Variants in COL10A1 observed in about 807,000 individuals in gnomAD.
The protein encoded by COL10A1 is collagen alpha-1(X) chain.
A neutral mutation model predicts 18.2 loss-of-function variants in COL10A1; 10 were observed. The ratio of observed to expected loss-of-function variants is 0.55; its 90% CI spans 0.34 to 0.93. The LOEUF (loss-of-function observed/expected upper bound fraction) is 0.93. Among genes scored for constraint, COL10A1 ranks in the 40% least tolerant of loss-of-function variants. The pLI, the probability that COL10A1 is intolerant of heterozygous loss-of-function variation, is 0.02. For missense variants in COL10A1, 897 were observed against 853.5 expected, an observed-to-expected ratio of 1.05 and a Z score of -0.64; for synonymous variants, 330 against 316.6, an observed-to-expected ratio of 1.04 and a Z score of -0.45.
the COL10A1 span, among the ~76,000 whole-genome samples, chr6:116,178,700 AAT>A: frequency 6.6e-6 from 1 of 152,202 alleles, no homozygotes; most frequent in South Asian, 2.1e-4. Flanking sequence ...TACTTCCAGA[AAT>A]ATAGAGCAGT....
chr6:116,159,660 G>T (rs1346189704), upstream of COL10A1, among the ~76,000 whole-genome samples: 1 of 152,274 alleles, frequency 6.6e-6, no homozygotes, highest in East Asian at 1.9e-4. Context: ...AGGGATATAT[G>T]TGCAGGTTTG....
At chr6:116,148,202 A>G (rs1433731991) in intron 1 of COL10A1, among the ~76,000 whole-genome samples, 2 of 152,160 alleles carry the variant, frequency 1.3e-5, no homozygotes, top group Admixed American at 1.3e-4. Flanking sequence ...TTGAGAGGCA[A>G]ATTGAGTAAG....
chr6:116,120,020 A>G lies in COL10A1; in HGVS notation c.*53T>C, dbSNP rs1779060108. The G allele has an allele frequency of 1.4e-6, 2 of 1,426,814 alleles. No homozygotes were observed. The highest frequency in any genetic ancestry group is 3.4e-5 in the Admixed American group (2 of 59,694). 88.4% of individuals were successfully genotyped at this position (1,426,814 alleles called of 1,614,324 possible). On this transcript the variant is annotated 3_prime_UTR_variant, in exon 3 of 3. Coordinates refer to ENST00000651968, the MANE Select transcript of COL10A1 (RefSeq NM_000493.4). ...CCATATGCATTTTGTAGGGTGGGGT[A>G]GAGTTAGAGAATGCTTTTTCTAGCA...
At chr6:116,204,364 C>G in the COL10A1 span, among the ~76,000 whole-genome samples, 12 of 151,814 alleles carry the variant, frequency 7.9e-5, no homozygotes, top group East Asian at 1.9e-4. Context: ...GAGAAAGATT[C>G]AAAAAGATGC....
chr6:116,128,823 C>T (rs1183333140), upstream of COL10A1, among the ~76,000 whole-genome samples: 2 of 152,120 alleles, frequency 1.3e-5, no homozygotes, highest in Non-Finnish European at 2.9e-5. Flanking sequence ...TGATGGCCTC[C>T]TAAGTTAGAA....
Position 116,120,462 on chromosome 6 carries a change from A to G in COL10A1, c.1654T>C (p.Ser552Pro), listed in dbSNP as rs764376492. 6.2e-7 allele frequency: 1 copy of G among 1,614,280 alleles called. No individual in the cohort carries two copies. Among genetic ancestry groups the G allele is most frequent in the Non-Finnish European group, 8.5e-7 (1 of 1,180,048 alleles). The change falls in exon 3 of 3, where the codon TCT (serine) becomes CCT (proline). Residue 552 changes from serine (S) to proline (P), a missense_variant. Ser to Pro is a moderately conservative substitution (Grantham distance 74, BLOSUM62 -1). Coordinates refer to ENST00000651968, the MANE Select transcript of COL10A1 (RefSeq NM_000493.4). ...TTGGAGAGAATAACAGTAAAAGCAG[A>G]CACAGGCATTCCTGTTACCCCCTGG... ...ANQGVTGMPV[S>P]AFTVILSKAY...
intron 1 of COL10A1, among the ~76,000 whole-genome samples, chr6:116,142,023 G>T (rs1779779604): frequency 6.6e-6 from 1 of 151,626 alleles, no homozygotes. Context: ...TCAAAAAAAA[G>T]ATTTGTTACT....
At chr6:116,201,897 A>C in the COL10A1 span, among the ~76,000 whole-genome samples, 1 of 152,024 alleles carries the variant, frequency 6.6e-6, no homozygotes, top group African/African-American at 2.4e-5. Flanking sequence ...ATTTGGATCC[A>C]AATGCCACAC....
chr6:116,196,534 A>C, the COL10A1 span, among the ~76,000 whole-genome samples: 2 of 152,118 alleles, frequency 1.3e-5, no homozygotes, highest in African/African-American at 4.8e-5. Context: ...CAAAGAAATT[A>C]TATCAATTAG....
rs1030914742 is a variant in COL10A1 at position 116,121,720 on chromosome 6, A to G, written c.396T>C (p.Ala132=). ...GTGGGCCCCGGGGTCCTGGTAGGCC[A>G]GCTGGTCCAACATCTCCTTTTGGTC... ...PYGPKGDVGP[A]GLPGPRGPPG... is the part of the protein sequence containing the mutation. Residue 132 remains alanine, a synonymous_variant, in exon 3 of 3, where the codon GCT becomes GCC. Coordinates refer to ENST00000651968, the MANE Select transcript of COL10A1 (RefSeq NM_000493.4). 6.2e-7 allele frequency: 1 copy of G among 1,613,852 alleles called. No homozygotes were observed. Among genetic ancestry groups the G allele is most frequent in the Non-Finnish European group, 8.5e-7 (1 of 1,179,982 alleles).
chr6:116,215,629 C>G, the COL10A1 span, among the ~76,000 whole-genome samples: 1 of 152,284 alleles, frequency 6.6e-6, no homozygotes, highest in African/African-American at 2.4e-5. Context: ...AAAAACCTCT[C>G]TCCACATTTA....
In COL10A1 at chr6:116,120,495, T is replaced by C. The variant is rs746900204; in HGVS notation, c.1621A>G (p.Ser541Gly). 1.2e-6 allele frequency: 2 copies of C among 1,614,212 alleles called. No homozygotes were observed. Among genetic ancestry groups the C allele is most frequent in the Non-Finnish European group, 1.7e-6 (2 of 1,180,038 alleles). Reference protein sequence around the residue: ...RPSLSGTPLVSANQGVTGMPV... With the variant: ...RPSLSGTPLVGANQGVTGMPV... ...ATTCCTGTTACCCCCTGGTTGGCAC[T>C]AACAAGAGGGGTCCCAGAAAGACTG... The change falls in exon 3 of 3, where the codon AGT (serine) becomes GGT (glycine). Residue 541 changes from serine to glycine, a missense_variant. By Grantham distance (56) the Ser-to-Gly change is moderately conservative. Coordinates refer to ENST00000651968, the MANE Select transcript of COL10A1 (RefSeq NM_000493.4).
chr6:116,121,839 C>T lies in COL10A1; in HGVS notation c.277G>A (p.Glu93Lys), dbSNP rs1197340286. The T allele has an allele frequency of 9.9e-6, 16 of 1,613,844 alleles. No individual in the cohort carries two copies. The highest frequency in any genetic ancestry group is 2.2e-5 in the East Asian group (1 of 44,848). ...CCCGGTGGTCCTGGCAACCCTGGCT[C>T]TCCTTGGAGTCCAGGACTTCCGTAG... ...PGYGSPGLQG[E>K]PGLPGPPGPS... The change falls in exon 3 of 3, where the codon GAG becomes AAG. Residue 93 changes from glutamate to lysine, a missense_variant. Glu to Lys is a moderately conservative substitution (Grantham distance 56). Coordinates refer to ENST00000651968, the MANE Select transcript of COL10A1 (RefSeq NM_000493.4).
At chr6:116,180,397 A>G in the COL10A1 span, among the ~76,000 whole-genome samples, 1 of 152,062 alleles carries the variant, frequency 6.6e-6, no homozygotes, top group African/African-American at 2.4e-5. Context: ...TGAAAATGGA[A>G]TGATAGAATT....
upstream of COL10A1, among the ~76,000 whole-genome samples, chr6:116,127,400 T>G (rs1461803139): frequency 6.6e-6 from 1 of 152,180 alleles, no homozygotes; most frequent in Non-Finnish European, 1.5e-5. Flanking sequence ...TTAAAAAAAT[T>G]TACATTGTTG....
In COL10A1 at chr6:116,125,204, T is replaced by A. The variant is rs574499406; in HGVS notation, c.154+135A>T. The stretch of plus-strand genomic sequence containing the variant: ...GTTCTACTTTTTTCACAGATCACTT[T>A]GTTGTAATAATTTGGGCTAATTCAG... On this transcript the variant is annotated intron_variant, in intron 2 of 2. Coordinates refer to ENST00000651968, the MANE Select transcript of COL10A1 (RefSeq NM_000493.4). 4 of 899,544 alleles carry A rather than the reference T, an allele frequency of 4.4e-6. No homozygotes were observed. In the South Asian group the frequency reaches 4.9e-5, roughly 11 times the overall value. The allele number at this position is 899,544 out of a possible 1,614,324, so 55.7% of individuals were successfully genotyped here. A position where few individuals can be genotyped will look rare whatever the true frequency, so the allele number is the denominator to read the frequency against.
Position 116,119,972 on chromosome 6 carries a change from A to G in COL10A1, c.*101T>C. Reference sequence around the variant, plus strand: ...CAAATCTGTATTTCAGAAAATAAAAATTACATTCTTTTCAGCCTACCTCCA... The same window carrying G: ...CAAATCTGTATTTCAGAAAATAAAAGTTACATTCTTTTCAGCCTACCTCCA... On this transcript the variant is annotated 3_prime_UTR_variant, in exon 3 of 3. Coordinates refer to ENST00000651968, the MANE Select transcript of COL10A1 (RefSeq NM_000493.4). 9.1e-7 allele frequency: 1 copy of G among 1,097,168 alleles called. No individual in the cohort carries two copies. Among genetic ancestry groups the G allele is most frequent in the Non-Finnish European group, 1.4e-6 (1 of 721,968 alleles). 68.0% of individuals were successfully genotyped at this position (1,097,168 alleles called of 1,614,324 possible).
intron 1 of COL10A1, among the ~76,000 whole-genome samples, chr6:116,139,439 CT>C (rs1281980577): frequency 2.0e-5 from 3 of 152,032 alleles, no homozygotes; most frequent in Non-Finnish European, 4.4e-5. Context: ...TATTTGTATA[CT>C]TTTTTTAACT....
the COL10A1 span, among the ~76,000 whole-genome samples, chr6:116,194,508 T>C: frequency 6.6e-6 from 1 of 151,964 alleles, no homozygotes; most frequent in Non-Finnish European, 1.5e-5. Context: ...TTTTATGTTG[T>C]GGGGAGTTAA....
Sources: allele counts gnomAD v4.1 joint callset (sites outside exome capture counted in the v4.1 genomes callset), GRCh38; gene constraint gnomAD v4.1.1; transcripts MANE v1.5; gene names NCBI Gene and HGNC (gene_info 2026-07-23, HGNC 2026-07-21).